The following SRRM4 variants were observed in gnomAD, a reference collection of about 807,000 sequenced individuals.
SRRM4 encodes the protein serine/arginine repetitive matrix 4.
SRRM4 carries 33 observed loss-of-function variants against 68.9 expected under a neutral mutation model. That is an observed-to-expected ratio of 0.48 (90% CI 0.36 to 0.64). SRRM4 has a LOEUF of 0.64. SRRM4 is among the 30% of genes least tolerant of loss of function. The probability of loss-of-function intolerance (pLI) is 0.00; values close to 1 mark genes in which losing one functional copy is unlikely to be tolerated. For synonymous variants in SRRM4, 318 were observed against 318.8 expected, an observed-to-expected ratio of 1.00 and a Z score of 0.03; for missense variants, 817 against 827.1, an observed-to-expected ratio of 0.99 and a Z score of 0.15.
chr12:119,068,475 A>T (rs1302952788), intron 1 of SRRM4, among the ~76,000 whole-genome samples: 2 of 152,216 alleles, frequency 1.3e-5, no homozygotes, highest in Non-Finnish European at 2.9e-5. Context: ...TGGTCCCTTC[A>T]GCAAGCAAAG....
intron 1 of SRRM4, among the ~76,000 whole-genome samples, chr12:119,006,226 C>T (rs1479652622): frequency 6.6e-6 from 1 of 152,160 alleles, no homozygotes; most frequent in Non-Finnish European, 1.5e-5. Context: ...GATTCTGTCC[C>T]TTTTCCATCT....
intron 1 of SRRM4, among the ~76,000 whole-genome samples, chr12:119,055,107 C>G (rs1267850049): frequency 6.6e-6 from 1 of 152,150 alleles, no homozygotes; most frequent in African/African-American, 2.4e-5. Context: ...TGCTGCTCAT[C>G]ATAACAAGAG....
At chr12:119,014,793 C>A (rs946475119) in intron 1 of SRRM4, among the ~76,000 whole-genome samples, 8 of 152,076 alleles carry the variant, frequency 5.3e-5, no homozygotes, top group Non-Finnish European at 8.8e-5. Flanking sequence ...TCATCCCTGG[C>A]CCCTGAAACC....
chr12:119,078,812 C>T (rs1234180241), intron 1 of SRRM4, among the ~76,000 whole-genome samples: 2 of 152,260 alleles, frequency 1.3e-5, no homozygotes, highest in South Asian at 2.1e-4. Context: ...TGCCTGTAGT[C>T]CCAGCTACTC....
At position 119,032,472 on chromosome 12, in the gene SRRM4, T is replaced by G. The variant is rs139107080; in HGVS notation, c.131+50459T>G. Among the ~76,000 whole-genome samples, 34 of 152,324 alleles carry G rather than the reference T, an allele frequency of 2.2e-4. No homozygotes were observed. The East Asian group carries it at 4.8e-3, about 22-fold the overall frequency. On this transcript the variant is annotated intron_variant, in intron 1 of 12. Transcript: ENST00000267260. ...GTATTGACTTTGGAGAGGAGAGTAT[T>G]AATTTAAATGATCCCAATATTTTTT... is the stretch of plus-strand genomic sequence containing the variant.
chr12:119,020,552 G>C (rs956167903), intron 1 of SRRM4, among the ~76,000 whole-genome samples: 1 of 152,196 alleles, frequency 6.6e-6, no homozygotes, highest in Admixed American at 6.5e-5. Context: ...AACAGCGCAA[G>C]GAATGAAATC....
At position 119,034,677 on chromosome 12, in the gene SRRM4, A is replaced by G. The variant is rs181966950; in HGVS notation, c.131+52664A>G. 1.3e-4 allele frequency among the ~76,000 whole-genome samples: 20 copies of G among 152,296 alleles called. No individual in the cohort carries two copies. The East Asian group carries it at 3.1e-3, about 24-fold the overall frequency. The stretch of plus-strand genomic sequence containing the variant: ...TGTGCCATTCAATACAGAAATGTCT[A>G]TAGTATTGCATCTTCCTTATGGCTT... On this transcript the variant is annotated intron_variant, in intron 1 of 12. Transcript: ENST00000267260.
In SRRM4 at chr12:119,088,946, G is replaced by A. The variant is rs192667324; in HGVS notation, c.132-13290G>A. ...CACTTTGCGTGCATCATCTCCAGGA[G>A]CTGGACACTATCGTTATCCCAGTTT... On this transcript the variant is annotated intron_variant, in intron 1 of 12. Transcript: ENST00000267260. Among the ~76,000 whole-genome samples the A allele has an allele frequency of 5.5e-3, 838 of 152,308 alleles. 2 individuals carry two copies. The highest frequency in any genetic ancestry group is 0.02 in the Middle Eastern group (6 of 294).
intron 1 of SRRM4, among the ~76,000 whole-genome samples, chr12:119,048,476 T>C (rs968162245): frequency 3.9e-5 from 6 of 152,164 alleles, no homozygotes; most frequent in Non-Finnish European, 8.8e-5. Flanking sequence ...TTGCCTGGGA[T>C]ACAGTTTTCC....
chr12:119,067,136 A>T (rs1953850945), intron 1 of SRRM4, among the ~76,000 whole-genome samples: 1 of 137,448 alleles, frequency 7.3e-6, no homozygotes, highest in Non-Finnish European at 1.6e-5. Flanking sequence ...ACCCCAAATT[A>T]TCCACTTTCC....
chr12:119,128,370 G>C (rs1467929908), intron 7 of SRRM4, among the ~76,000 whole-genome samples: 1 of 152,132 alleles, frequency 6.6e-6, no homozygotes, highest in Non-Finnish European at 1.5e-5. Flanking sequence ...AAGACACCCA[G>C]TCAGAATTAC....
intron 1 of SRRM4, among the ~76,000 whole-genome samples, chr12:119,007,622 T>C (rs1953423861): frequency 6.6e-6 from 1 of 152,198 alleles, no homozygotes; most frequent in African/African-American, 2.4e-5. Flanking sequence ...TGTTGGATGA[T>C]ACCATTAGAG....
intron 2 of SRRM4, among the ~76,000 whole-genome samples, chr12:119,110,138 G>T (rs185456530): frequency 6.6e-6 from 1 of 152,334 alleles, no homozygotes; most frequent in East Asian, 1.9e-4. Context: ...CTGCAGAACA[G>T]CAAATATTGC....
At chr12:119,115,836 C>T (rs892771907) in intron 3 of SRRM4, among the ~76,000 whole-genome samples, 2 of 152,152 alleles carry the variant, frequency 1.3e-5, no homozygotes, top group Non-Finnish European at 1.5e-5. Context: ...CAGCCATTCC[C>T]TTCTGCAGAC....
intron 1 of SRRM4, among the ~76,000 whole-genome samples, chr12:119,059,617 G>C (rs1056201997): frequency 1.3e-5 from 2 of 152,156 alleles, no homozygotes; most frequent in Non-Finnish European, 2.9e-5. Flanking sequence ...TGAGAATTGA[G>C]AGAGTGGAAG....
chr12:119,015,636 G>T (rs1294350517), intron 1 of SRRM4, among the ~76,000 whole-genome samples: 1 of 151,766 alleles, frequency 6.6e-6, no homozygotes, highest in Non-Finnish European at 1.5e-5. Context: ...TTTAATGGCT[G>T]CATTGTATTT....
intron 7 of SRRM4, 62 bp from the exon 8 acceptor site, chr12:119,130,616 C>G (rs7298308): frequency 0.58 from 874,410 of 1,519,140 alleles, 252,514 homozygotes; most frequent in South Asian, 0.61. Context: ...GTTGGTCCTG[C>G]ATACATCTCC....
At chr12:119,068,078 C>T (rs1442612655) in intron 1 of SRRM4, among the ~76,000 whole-genome samples, 1 of 152,248 alleles carries the variant, frequency 6.6e-6, no homozygotes, top group African/African-American at 2.4e-5. Flanking sequence ...AGGACCGTGG[C>T]AGCGTAACCT....
intron 1 of SRRM4, among the ~76,000 whole-genome samples, chr12:119,063,210 C>T (rs937160644): frequency 6.6e-6 from 1 of 152,140 alleles, no homozygotes; most frequent in Non-Finnish European, 1.5e-5. Context: ...TTAGTAAGTT[C>T]CAGATTTAAT....
Sources: allele counts gnomAD v4.1 joint callset (sites outside exome capture counted in the v4.1 genomes callset), GRCh38; gene constraint gnomAD v4.1.1; transcripts MANE v1.5; gene names NCBI Gene and HGNC (gene_info 2026-07-23, HGNC 2026-07-21).